The following FGF12 variants were observed in gnomAD, a reference collection of about 807,000 sequenced individuals.
FGF12 encodes the protein fibroblast growth factor 12B.
FGF12 carries 14 observed loss-of-function variants against 23.6 expected under a neutral mutation model. The ratio of observed to expected loss-of-function variants is 0.59; its 90% CI spans 0.39 to 0.93. The LOEUF (loss-of-function observed/expected upper bound fraction) is 0.93, where lower values mean the gene tolerates loss of function less well. Ranked by LOEUF, FGF12 falls within the 40% of genes least tolerant of loss-of-function variation. The pLI, the probability that FGF12 is intolerant of heterozygous loss-of-function variation, is 0.00. For missense variants in FGF12, 175 were observed against 217.8 expected (o/e 0.80, Z 1.24); for synonymous variants, 62 against 77.3 (o/e 0.80, Z 1.04).
intron 2 of FGF12, among the ~76,000 whole-genome samples, chr3:192,605,560 C>T (rs537422981): frequency 6.6e-6 from 1 of 152,130 alleles, no homozygotes; most frequent in South Asian, 2.1e-4. Context: ...AACAGACAAC[C>T]TACAGAAAGG....
At chr3:192,188,340 G>C (rs1029314923) in intron 4 of FGF12, among the ~76,000 whole-genome samples, 1 of 152,086 alleles carries the variant, frequency 6.6e-6, no homozygotes, top group African/African-American at 2.4e-5. Context: ...TTGAAACTAC[G>C]CACGTGTTTT....
chr3:192,409,978 C>A lies in FGF12; in HGVS notation c.14-49440G>T, dbSNP rs1185693030. 6.6e-6 allele frequency among the ~76,000 whole-genome samples: 1 copy of A among 151,984 alleles called. No individual in the cohort carries two copies. The highest frequency in any genetic ancestry group is 2.4e-5 in the African/African-American group (1 of 41,434). On this transcript the variant is annotated intron_variant, in intron 2 of 5. Transcript: ENST00000445105. The surrounding 1 kb of genome is among the most constrained non-coding windows in gnomAD (Gnocchi z 4.8). ...GGAGTCCCATTCATGGGCTGAGGCTCTGGGCGCGCGGAGCCGCCGCCGCCC... is the reference window on the plus strand; with the variant it reads ...GGAGTCCCATTCATGGGCTGAGGCTATGGGCGCGCGGAGCCGCCGCCGCCC...
At chr3:192,663,960 G>A (rs1716762830) in intron 2 of FGF12, among the ~76,000 whole-genome samples, 1 of 152,142 alleles carries the variant, frequency 6.6e-6, no homozygotes, top group African/African-American at 2.4e-5. Flanking sequence ...GTATCCCCAT[G>A]TTAGATAAGA....
chr3:192,406,351 A>C (rs1049871217), intron 2 of FGF12, among the ~76,000 whole-genome samples: 4 of 152,016 alleles, frequency 2.6e-5, no homozygotes, highest in Admixed American at 2.6e-4. Flanking sequence ...CAAAAACGTC[A>C]TATAATTTTC....
rs530098943 is a variant in FGF12 at position 192,630,319 on chromosome 3, T to G, written c.13+96862A>C. 1.3e-4 allele frequency among the ~76,000 whole-genome samples: 20 copies of G among 152,190 alleles called. No homozygotes were observed. The East Asian group carries it at 3.7e-3, about 28-fold the overall frequency. Reference sequence around the variant, plus strand: ...TCTTTTCTTTATAAATTACCAAGTCTCAGGTATTTCTTTATAGCAATGCGA... The same window carrying G: ...TCTTTTCTTTATAAATTACCAAGTCGCAGGTATTTCTTTATAGCAATGCGA... On this transcript the variant is annotated intron_variant, in intron 2 of 5. Transcript: ENST00000445105.
chr3:192,699,504 A>T (rs1054816274), intron 2 of FGF12, among the ~76,000 whole-genome samples: 1 of 152,186 alleles, frequency 6.6e-6, no homozygotes, highest in Non-Finnish European at 1.5e-5. Context: ...TTTATAAAAG[A>T]AGAGCACAAT....
intron 2 of FGF12, among the ~76,000 whole-genome samples, chr3:192,493,064 A>T (rs1723848278): frequency 6.6e-6 from 1 of 151,704 alleles, no homozygotes; most frequent in Non-Finnish European, 1.5e-5. Context: ...GAAAACTTAG[A>T]AATAGTCATC....
intron 4 of FGF12, among the ~76,000 whole-genome samples, chr3:192,266,827 CACT>C (rs1435867876): frequency 2.6e-5 from 4 of 151,426 alleles, no homozygotes; most frequent in Non-Finnish European, 5.9e-5. Flanking sequence ...CACACACATA[CACT>C]ACCTCACACA....
At chr3:192,324,984 G>GA (rs1233347177) in intron 4 of FGF12, among the ~76,000 whole-genome samples, 2 of 151,594 alleles carry the variant, frequency 1.3e-5, no homozygotes, top group South Asian at 2.1e-4. Flanking sequence ...TAAACTCTTA[G>GA]AAAAAAAACC....
At chr3:192,552,233 G>A (rs895905911) in intron 2 of FGF12, among the ~76,000 whole-genome samples, 1 of 151,912 alleles carries the variant, frequency 6.6e-6, no homozygotes, top group Non-Finnish European at 1.5e-5. Context: ...TGAAGACAAT[G>A]AAAAGAAAAT....
intron 2 of FGF12, among the ~76,000 whole-genome samples, chr3:192,637,772 C>T (rs1342386388): frequency 2.0e-5 from 3 of 152,134 alleles, no homozygotes; most frequent in Non-Finnish European, 4.4e-5. Context: ...AATGAGGGTT[C>T]TTGGGCATAT....
chr3:192,407,030 A>C (rs918676604), intron 2 of FGF12, among the ~76,000 whole-genome samples: 3 of 152,364 alleles, frequency 2.0e-5, no homozygotes, highest in East Asian at 1.9e-4. Flanking sequence ...GAAAACCAAC[A>C]GTCTGATGGA....
intron 4 of FGF12, 50 bp from the exon 5 acceptor site, chr3:192,170,706 G>A: frequency 6.7e-7 from 1 of 1,486,744 alleles, no homozygotes; most frequent in Non-Finnish European, 9.1e-7. Flanking sequence ...ATTTAAAGGT[G>A]AATCAGCAAA....
At chr3:192,485,298 A>C (rs182260506) in intron 2 of FGF12, among the ~76,000 whole-genome samples, 9 of 152,302 alleles carry the variant, frequency 5.9e-5, no homozygotes, top group African/African-American at 2.2e-4. Context: ...GTTTCACTCC[A>C]ATAAAGTTAA....
intron 2 of FGF12, among the ~76,000 whole-genome samples, chr3:192,363,081 G>A (rs1160670074): frequency 6.7e-6 from 1 of 150,252 alleles, no homozygotes; most frequent in South Asian, 2.1e-4. Flanking sequence ...ACACACCGGG[G>A]CCTGTTGTGG....
chr3:192,605,713 C>T (rs1394597060), intron 2 of FGF12, among the ~76,000 whole-genome samples: 4 of 152,058 alleles, frequency 2.6e-5, no homozygotes, highest in African/African-American at 4.8e-5. Flanking sequence ...ATGCAAAAGA[C>T]ATGAACACAC....
chr3:192,483,488 T>C (rs546135981), intron 2 of FGF12, among the ~76,000 whole-genome samples: 17 of 152,310 alleles, frequency 1.1e-4, no homozygotes, highest in African/African-American at 3.6e-4. Context: ...TTATGCCTGA[T>C]ACGGTTTTAT....
At chr3:192,529,502 C>T (rs1725035143) in intron 2 of FGF12, among the ~76,000 whole-genome samples, 1 of 152,186 alleles carries the variant, frequency 6.6e-6, no homozygotes, top group Admixed American at 6.5e-5. Context: ...CCAATCTCTG[C>T]CTGTTACCCA....
At chr3:192,157,456 T>C (rs1714488128) in intron 5 of FGF12, among the ~76,000 whole-genome samples, 1 of 152,228 alleles carries the variant, frequency 6.6e-6, no homozygotes, top group Non-Finnish European at 1.5e-5. Flanking sequence ...CTTTGAAGTA[T>C]TGTCAAAAAC....
Sources: gnomAD v4.1 joint callset for allele counts (sites outside exome capture counted in the v4.1 genomes callset) on GRCh38, gnomAD v4.1.1 for gene constraint, Gnocchi (gnomAD v3.1) non-coding constraint, MANE v1.5 for transcripts, NCBI Gene and HGNC (gene_info 2026-07-23, HGNC 2026-07-21) for gene names.